Variants in SLC4A4 observed in about 807,000 individuals in gnomAD.
The protein encoded by SLC4A4 is solute carrier family 4 member 4.
SLC4A4 carries 27 observed loss-of-function variants against 111.5 expected under a neutral mutation model. The ratio of observed to expected loss-of-function variants is 0.24; its 90% CI spans 0.18 to 0.33. The LOEUF (loss-of-function observed/expected upper bound fraction) is 0.33, where lower values mean the gene tolerates loss of function less well. Ranked by LOEUF, SLC4A4 falls within the 10% of genes least tolerant of loss-of-function variation. SLC4A4 has a pLI of 1.00. For missense variants in SLC4A4, 909 were observed against 1,315.5 expected (o/e 0.69, Z 4.78); for synonymous variants, 443 against 463.4 (o/e 0.96, Z 0.57).
chr4:71,479,521 TAGAA>T (rs1055553901), intron 14 of SLC4A4, among the ~76,000 whole-genome samples: 3 of 151,778 alleles, frequency 2.0e-5, no homozygotes, highest in Non-Finnish European at 4.4e-5. Context: ...GTTTTTTAAT[TAGAA>T]AGCCCATTAA....
chr4:71,562,881 T>C (rs1737120223), intron 23 of SLC4A4, among the ~76,000 whole-genome samples: 1 of 151,832 alleles, frequency 6.6e-6, no homozygotes, highest in African/African-American at 2.4e-5. Flanking sequence ...TAAAGGAATT[T>C]TCCATGTAGG....
At chr4:71,563,246 C>A (rs1321836102) in intron 23 of SLC4A4, among the ~76,000 whole-genome samples, 1 of 151,688 alleles carries the variant, frequency 6.6e-6, no homozygotes, top group African/African-American at 2.4e-5. Flanking sequence ...TTGAAATGAA[C>A]CTTTATCCAT....
chr4:71,469,353 A>G (rs1009086529), intron 13 of SLC4A4, among the ~76,000 whole-genome samples: 1 of 151,994 alleles, frequency 6.6e-6, no homozygotes, highest in Non-Finnish European at 1.5e-5. Flanking sequence ...TAATTCGTCC[A>G]TGATATTACC....
At chr4:71,458,734 GAT>G (rs1285330546) in intron 12 of SLC4A4, among the ~76,000 whole-genome samples, 1 of 152,040 alleles carries the variant, frequency 6.6e-6, no homozygotes, top group Non-Finnish European at 1.5e-5. Context: ...TCCTTGATAA[GAT>G]AGACAAATCT....
At chr4:71,520,724 T>C (rs1307614254) in intron 16 of SLC4A4, among the ~76,000 whole-genome samples, 1 of 152,190 alleles carries the variant, frequency 6.6e-6, no homozygotes. Context: ...CTCCATCATA[T>C]CACATCTGCC....
chr4:71,369,856 C>T (rs1371638126), intron 6 of SLC4A4, among the ~76,000 whole-genome samples: 3 of 151,898 alleles, frequency 2.0e-5, no homozygotes, highest in Admixed American at 2.0e-4. Context: ...GGGGGGTTTC[C>T]TTTCTAATGA....
At chr4:71,298,348 G>A (rs1480472460) in intron 3 of SLC4A4, among the ~76,000 whole-genome samples, 1 of 152,120 alleles carries the variant, frequency 6.6e-6, no homozygotes, top group Non-Finnish European at 1.5e-5. Context: ...AGCAGCCTTA[G>A]GTGGAGAAAA....
intron 6 of SLC4A4, among the ~76,000 whole-genome samples, chr4:71,369,423 C>T (rs925803312): frequency 6.6e-6 from 1 of 152,110 alleles, no homozygotes; most frequent in Non-Finnish European, 1.5e-5. Context: ...GCACTGGCAG[C>T]CCTCCCTCCA....
intron 16 of SLC4A4, among the ~76,000 whole-genome samples, chr4:71,500,403 A>G (rs1730804040): frequency 6.6e-6 from 1 of 152,168 alleles, no homozygotes; most frequent in South Asian, 2.1e-4. Flanking sequence ...GACTAATGTC[A>G]TGGAGCTTTT....
intron 1 of SLC4A4, among the ~76,000 whole-genome samples, chr4:71,193,215 G>A (rs1238383320): frequency 3.3e-5 from 5 of 152,088 alleles, no homozygotes; most frequent in Admixed American, 1.3e-4. Flanking sequence ...GCTGGAGTGC[G>A]GTGGCCGGAT....
chr4:71,518,402 T>A (rs1732609686), intron 16 of SLC4A4, among the ~76,000 whole-genome samples: 1 of 152,084 alleles, frequency 6.6e-6, no homozygotes, highest in South Asian at 2.1e-4. Context: ...TGGGCAAGCC[T>A]GGAGCCTATA....
chr4:71,137,732 C>A (rs1039140960), intron 2 of SLC4A4, among the ~76,000 whole-genome samples: 2 of 152,184 alleles, frequency 1.3e-5, no homozygotes, highest in African/African-American at 4.8e-5. Context: ...GGTTTCATCA[C>A]AGAAAAAGAA....
chr4:71,119,437 A>G (rs1743356955), intron 2 of SLC4A4, among the ~76,000 whole-genome samples: 1 of 151,858 alleles, frequency 6.6e-6, no homozygotes, highest in Non-Finnish European at 1.5e-5. Flanking sequence ...GCTGGAGTGC[A>G]GTGGCACAAT....
At chr4:71,403,368 A>C (rs1464821590) in intron 7 of SLC4A4, among the ~76,000 whole-genome samples, 1 of 152,220 alleles carries the variant, frequency 6.6e-6, no homozygotes, top group Non-Finnish European at 1.5e-5. Flanking sequence ...AAGTGAATGA[A>C]ACAGATAAAT....
chr4:71,405,794 T>C (rs1579026233), intron 7 of SLC4A4, among the ~76,000 whole-genome samples: 2 of 152,196 alleles, frequency 1.3e-5, no homozygotes, highest in East Asian at 3.8e-4. Context: ...AATCTCAGTA[T>C]CTAGCATTTG....
chr4:71,426,363 G>A lies in SLC4A4; in HGVS notation c.808-14253G>A, dbSNP rs528128196. Among the ~76,000 whole-genome samples the A allele has an allele frequency of 1.5e-4, 23 of 152,144 alleles. No individual in the cohort carries two copies. In the East Asian group the frequency reaches 4.3e-3, roughly 28 times the overall value. Reference sequence around the variant, plus strand: ...AATTTTTAGTTTACACTTGATACTCGAAACACAGCTGGTGTAGGATAATTG... The same window carrying A: ...AATTTTTAGTTTACACTTGATACTCAAAACACAGCTGGTGTAGGATAATTG... On this transcript the variant is annotated intron_variant, in intron 7 of 25. Coordinates refer to ENST00000264485, the MANE Select transcript of SLC4A4 (RefSeq NM_001098484.3).
chr4:71,338,413 A>G (rs1375954599), intron 3 of SLC4A4, among the ~76,000 whole-genome samples: 7 of 152,158 alleles, frequency 4.6e-5, no homozygotes, highest in Non-Finnish European at 1.0e-4. Flanking sequence ...ATTCACATGT[A>G]TATAACATTG....
intron 1 of SLC4A4, among the ~76,000 whole-genome samples, chr4:71,204,382 G>T (rs1395048454): frequency 6.6e-6 from 1 of 152,142 alleles, no homozygotes; most frequent in Non-Finnish European, 1.5e-5. Flanking sequence ...ATTTTTAGAG[G>T]TGTCTTTGCT....
intron 1 of SLC4A4, among the ~76,000 whole-genome samples, chr4:71,231,264 G>A (rs1169294718): frequency 2.0e-5 from 3 of 152,216 alleles, no homozygotes; most frequent in Admixed American, 1.3e-4. Flanking sequence ...TGCGCTGTGC[G>A]GACTAGCTGG....
Sources: allele counts gnomAD v4.1 joint callset (sites outside exome capture counted in the v4.1 genomes callset), GRCh38; gene constraint gnomAD v4.1.1; transcripts MANE v1.5; gene names NCBI Gene and HGNC (gene_info 2026-07-23, HGNC 2026-07-21).